Variants in ATAD3A observed in about 807,000 individuals in gnomAD.
ATAD3A encodes ATPase family AAA domain containing 3A, also known as ATPase family AAA domain-containing protein 3A.
ATAD3A carries 46 observed loss-of-function variants against 73.8 expected under a neutral mutation model. The observed-to-expected ratio is 0.62, with a 90% confidence interval of 0.49 to 0.80. The LOEUF is 0.80. ATAD3A is among the 30% of genes least tolerant of loss of function. The pLI, the probability that ATAD3A is intolerant of heterozygous loss-of-function variation, is 0.00. For synonymous variants in ATAD3A, 319 were observed against 350.0 expected (o/e 0.91, Z 0.99); for missense variants, 705 against 838.0 (o/e 0.84, Z 1.96).
chr1:1,513,047 C>T (rs1449053879), intron 1 of ATAD3A, among the ~76,000 whole-genome samples: 1 of 152,244 alleles, frequency 6.6e-6, no homozygotes, highest in Admixed American at 6.5e-5. Context: ...TGTGAGCACT[C>T]ACCATGTTGT....
At chr1:1,532,315 G>A (rs1423724998) in intron 15 of ATAD3A, among the ~76,000 whole-genome samples, 4 of 152,180 alleles carry the variant, frequency 2.6e-5, no homozygotes, top group African/African-American at 9.7e-5. Context: ...GATGAGTGAG[G>A]AAATGTTCTT....
chr1:1,516,624 C>A (rs1189374904), intron 2 of ATAD3A, among the ~76,000 whole-genome samples: 1 of 150,924 alleles, frequency 6.6e-6, no homozygotes, highest in Non-Finnish European at 1.5e-5. Flanking sequence ...TGTTGGCCAG[C>A]CTGGTCTTGA....
At chr1:1,528,739 G>A (rs1026043938) in intron 14 of ATAD3A, among the ~76,000 whole-genome samples, 3 of 152,236 alleles carry the variant, frequency 2.0e-5, no homozygotes, top group African/African-American at 7.2e-5. Context: ...AATCCCTGCT[G>A]TCGCCAGTGA....
chr1:1,518,584 CCCGCACA>C, intron 4 of ATAD3A, among the ~76,000 whole-genome samples: 1 of 138,392 alleles, frequency 7.2e-6, no homozygotes, highest in Non-Finnish European at 1.5e-5. Flanking sequence ...CACACACACA[CCCGCACA>C]TGGGCACACA....
In ATAD3A at chr1:1,524,377, G is replaced by C; in HGVS notation, c.1194G>C (p.Trp398Cys). ...CCGCCATGCACAAGCTCTTTGACTG[G>C]GCCAATACCAGCCGGCGCGGGTGAG... is the stretch of plus-strand genomic sequence containing the variant. ...GVTAMHKLFD[W>C]ANTSRRGLLL... The change falls in exon 11 of 16, where the codon TGG becomes TGC. Residue 398 changes from tryptophan to cysteine, a missense_variant. Around this residue, in one of 5 missense-constraint regions of ATAD3A, gnomAD observed 252 missense variants for 278.5 expected, o/e 0.90. Coordinates refer to ENST00000378756, the MANE Select transcript of ATAD3A (RefSeq NM_001170535.3). 1 of 1,609,384 alleles carries C rather than the reference G, an allele frequency of 6.2e-7. No homozygotes were observed. The highest frequency in any genetic ancestry group is 2.2e-5 in the East Asian group (1 of 44,636).
rs369052508 is a variant in ATAD3A, at chr1:1,520,329, C to A, written c.680+23C>A. ...CAGGTGAGCACTGCCGAGGCCCGGG[C>A]CGGCCACAGATGGAGCCCCGCAGGT... On this transcript the variant is annotated intron_variant, in intron 6 of 15. Coordinates refer to ENST00000378756, the MANE Select transcript of ATAD3A (RefSeq NM_001170535.3). The surrounding 1 kb of genome is among the most constrained non-coding windows in gnomAD (Gnocchi z 4.0). 2 of 1,606,566 alleles carry A rather than the reference C, an allele frequency of 1.2e-6. No individual in the cohort carries two copies. The highest frequency in any genetic ancestry group is 1.7e-6 in the Non-Finnish European group (2 of 1,174,458).
intron 11 of ATAD3A, 139 bp from the exon 12 acceptor site, chr1:1,525,101 A>T (rs1356459838): frequency 2.5e-6 from 3 of 1,206,958 alleles, no homozygotes; most frequent in African/African-American, 3.0e-5. Flanking sequence ...TGTCGAGTCC[A>T]GGACTTAGGG....
chr1:1,520,362 G>T lies in ATAD3A; in HGVS notation c.680+56G>T, dbSNP rs1183310873. 28 of 1,599,250 alleles carry T rather than the reference G, an allele frequency of 1.8e-5. No individual in the cohort carries two copies. Among genetic ancestry groups the T allele is most frequent in the African/African-American group, 2.7e-5 (2 of 74,244 alleles). ...AGATGGAGCCCCGCAGGTGTGAGTC[G>T]CTGGTCCCAGGGCGCTCTCCAGCTC... On this transcript the variant is annotated intron_variant, in intron 6 of 15. Coordinates refer to ENST00000378756, the MANE Select transcript of ATAD3A (RefSeq NM_001170535.3). This position sits in a 1 kb window ranked among gnomAD's most constrained non-coding sequence, Gnocchi z 4.0.
chr1:1,525,545 G>A (rs1425175811), intron 12 of ATAD3A, among the ~76,000 whole-genome samples: 1 of 150,942 alleles, frequency 6.6e-6, no homozygotes, highest in Admixed American at 6.6e-5. Flanking sequence ...CTCCCAAGTA[G>A]CTGGGACTAC....
chr1:1,532,833 G>C (rs1473850324), intron 15 of ATAD3A, among the ~76,000 whole-genome samples: 1 of 151,968 alleles, frequency 6.6e-6, no homozygotes, highest in Non-Finnish European at 1.5e-5. Context: ...TGCGCTCCCA[G>C]GCCCCTGACC....
Position 1,523,666 on chromosome 1 carries a change from C to G in ATAD3A, c.963+99C>G. The G allele has an allele frequency of 1.3e-6, 2 of 1,597,544 alleles. No homozygotes were observed. Among genetic ancestry groups the G allele is most frequent in the Non-Finnish European group, 1.7e-6 (2 of 1,171,276 alleles). On this transcript the variant is annotated intron_variant, in intron 9 of 15. Transcript: ENST00000378756. This position sits in a 1 kb window ranked among gnomAD's most constrained non-coding sequence, Gnocchi z 5.1. ...TGGCGCTCGTGGTGGCACCCAGGAG[C>G]TTTTGGGTCCTGAGATGCGACTGCT...
Position 1,523,813 on chromosome 1 carries a change from C to T in ATAD3A, c.964-26C>T, listed in dbSNP as rs557979818. The T allele has an allele frequency of 1.5e-5, 25 of 1,613,756 alleles. No homozygotes were observed. In the East Asian group the frequency reaches 5.6e-4, roughly 36 times the overall value. On this transcript the variant is annotated intron_variant, in intron 9 of 15. Transcript: ENST00000378756. This position sits in a 1 kb window ranked among gnomAD's most constrained non-coding sequence, Gnocchi z 5.1. ...GGCTTCCATGGGTGCACAGTGTCTC[C>T]TCCAAACCCCCGTCTTCCCCGGCAG...
intron 13 of ATAD3A, among the ~76,000 whole-genome samples, chr1:1,527,398 C>T (rs754106534): frequency 6.6e-6 from 1 of 152,216 alleles, no homozygotes; most frequent in Non-Finnish European, 1.5e-5. Flanking sequence ...GGTCCCGAAT[C>T]CCTGCTCCCA....
At chr1:1,518,787 G>A (rs546039931) in intron 4 of ATAD3A, 134 bp from the exon 5 acceptor site, 6 of 1,533,830 alleles carry the variant, frequency 3.9e-6, no homozygotes, top group South Asian at 2.4e-5. Context: ...GTCACCCCCC[G>A]CAAACGGGCA....
intron 13 of ATAD3A, chr1:1,527,290 A>C: frequency 8.3e-7 from 1 of 1,209,182 alleles, no homozygotes. Flanking sequence ...GGTCCTTCCC[A>C]GAGAGGCAAG....
In ATAD3A at chr1:1,512,372, G is replaced by A. The variant is rs1641222710; in HGVS notation, c.104G>A (p.Arg35His). The A allele has an allele frequency of 4.0e-6, 5 of 1,242,956 alleles. No homozygotes were observed. The highest frequency in any genetic ancestry group is 4.1e-5 in the South Asian group (1 of 24,686). The allele number at this position is 1,242,956 out of a possible 1,614,324, so 77.0% of individuals were successfully genotyped here. ...CCCGGGGCCGAGGGCGGCGGGGACC[G>A]CGGGTTGGGAGACCGGCCGGCGCCC... ...AQPGAEGGGD[R>H]GLGDRPAPKD... is the part of the protein sequence containing the mutation. The change falls in exon 1 of 16, where the codon CGC becomes CAC. Residue 35 changes from arginine (R) to histidine (H), a missense_variant. This residue lies in a region of ATAD3A where 125 missense variants were observed against 170.6 expected (regional missense o/e 0.73). Transcript: ENST00000378756.
chr1:1,534,146 C>T lies in ATAD3A; in HGVS notation c.*74C>T. 1.9e-6 allele frequency: 3 copies of T among 1,606,486 alleles called. No homozygotes were observed. Among genetic ancestry groups the T allele is most frequent in the Non-Finnish European group, 2.6e-6 (3 of 1,176,414 alleles). On this transcript the variant is annotated 3_prime_UTR_variant, in exon 16 of 16. Coordinates refer to ENST00000378756, the MANE Select transcript of ATAD3A (RefSeq NM_001170535.3). Reference sequence around the variant, plus strand: ...CACCCCTGCCTTGCCGGCCCCTGCACATTTAGGATATGCTCCTGGGTGGGG... The same window carrying T: ...CACCCCTGCCTTGCCGGCCCCTGCATATTTAGGATATGCTCCTGGGTGGGG...
chr1:1,517,175 G>A (rs1375351901), intron 2 of ATAD3A, 136 bp from the exon 3 acceptor site: 1 of 1,548,542 alleles, frequency 6.5e-7, no homozygotes, highest in Non-Finnish European at 8.7e-7. Flanking sequence ...AGATGCGGCT[G>A]GAAGCCCTGA....
rs866694639 is a variant in ATAD3A, at chr1:1,523,073, A to G, written c.906+174A>G. 6.6e-6 allele frequency among the ~76,000 whole-genome samples: 1 copy of G among 151,708 alleles called. No individual in the cohort carries two copies. The highest frequency in any genetic ancestry group is 1.5e-5 in the Non-Finnish European group (1 of 67,966). On this transcript the variant is annotated intron_variant, in intron 8 of 15. Coordinates refer to ENST00000378756, the MANE Select transcript of ATAD3A (RefSeq NM_001170535.3). This position sits in a 1 kb window ranked among gnomAD's most constrained non-coding sequence, Gnocchi z 5.1. ...CTGGCGCTGTACCTTAGGGGTCTGC[A>G]TCAGTGAGACCCTTCCCCTGTCTGC...
Sources: gnomAD v4.1 joint callset for allele counts (sites outside exome capture counted in the v4.1 genomes callset) on GRCh38, gnomAD v4.1.1 for gene constraint, gnomAD v4.1.1 regional missense constraint, Gnocchi (gnomAD v3.1) non-coding constraint, MANE v1.5 for transcripts, NCBI Gene and HGNC (gene_info 2026-07-23, HGNC 2026-07-21) for gene names.